NFAT5: variants seen among roughly 807,000 people sequenced by gnomAD.
NFAT5 encodes the protein nuclear factor of activated T-cells 5.
NFAT5 carries 31 observed loss-of-function variants against 166.5 expected under a neutral mutation model. The observed-to-expected ratio is 0.19, with a 90% confidence interval of 0.14 to 0.25. NFAT5 has a LOEUF of 0.25. NFAT5 is among the 10% of genes least tolerant of loss of function. The probability of loss-of-function intolerance (pLI) is 1.00; values close to 1 mark genes in which losing one functional copy is unlikely to be tolerated. For synonymous variants in NFAT5, 612 were observed against 639.7 expected (o/e 0.96, Z 0.65); for missense variants, 1,449 against 1,821.8 (o/e 0.80, Z 3.72).
Position 69,587,923 on chromosome 16 carries a change from T to C in NFAT5, c.127+19375T>C, listed in dbSNP as rs1235167558. ...ATTATTTTAGGTATAAATTAGGCAC[T>C]TTGGTAATTTATAGTGCTTTCTTTT... On this transcript the variant is annotated intron_variant, in intron 2 of 14. Coordinates refer to ENST00000349945, the MANE Select transcript of NFAT5 (RefSeq NM_138713.4). 3.3e-5 allele frequency among the ~76,000 whole-genome samples: 5 copies of C among 151,598 alleles called. No homozygotes were observed. In the East Asian group the frequency reaches 7.7e-4, roughly 23 times the overall value.
chr16:69,696,170 G>GGATA (rs2037760283), intron 14 of NFAT5, among the ~76,000 whole-genome samples, 190 bp from the exon 15 acceptor site: 1 of 152,044 alleles, frequency 6.6e-6, no homozygotes, highest in Non-Finnish European at 1.5e-5. Context: ...ACTATATATT[G>GGATA]GATATAACCA....
chr16:69,599,557 C>T (rs765300062), intron 2 of NFAT5, among the ~76,000 whole-genome samples: 3 of 151,726 alleles, frequency 2.0e-5, no homozygotes, highest in Admixed American at 6.6e-5. Context: ...GGTGACAGAG[C>T]GAGAGTCAGT....
At chr16:69,667,224 A>G (rs1022321133) in intron 7 of NFAT5, among the ~76,000 whole-genome samples, 1 of 150,992 alleles carries the variant, frequency 6.6e-6, no homozygotes, top group African/African-American at 2.4e-5. Flanking sequence ...CTAATGCTAG[A>G]TGACGAGTTA....
At chr16:69,610,960 A>G (rs2033679595) in intron 2 of NFAT5, among the ~76,000 whole-genome samples, 1 of 151,930 alleles carries the variant, frequency 6.6e-6, no homozygotes, top group African/African-American at 2.4e-5. Context: ...TTGGGAGCAG[A>G]CTCGGGTTTC....
rs902706046 is a variant in NFAT5, at chr16:69,566,716, A to T, written c.73+342A>T. 6.6e-5 allele frequency among the ~76,000 whole-genome samples: 10 copies of T among 151,732 alleles called. No homozygotes were observed. The highest frequency in any genetic ancestry group is 6.6e-4 in the Admixed American group (10 of 15,258). On this transcript the variant is annotated intron_variant, in intron 1 of 14. Coordinates refer to ENST00000349945, the MANE Select transcript of NFAT5 (RefSeq NM_138713.4). This position sits in a 1 kb window ranked among gnomAD's most constrained non-coding sequence, Gnocchi z 5.7. ...CGGCCCCGGCCTCCCGGGCTCGGGG[A>T]TGGCCCCAGACTGGGCCCCGCGCTG...
intron 1 of NFAT5, among the ~76,000 whole-genome samples, chr16:69,567,458 C>T (rs2016133018): frequency 6.6e-6 from 1 of 152,042 alleles, no homozygotes; most frequent in African/African-American, 2.4e-5. Context: ...GTTAACTATT[C>T]ATTTCACCGT....
At position 69,653,338 on chromosome 16, in the gene NFAT5, A is replaced by G. The variant is rs2035753078; in HGVS notation, c.915A>G (p.Gln305=). 2 of 1,613,424 alleles carry G rather than the reference A, an allele frequency of 1.2e-6. No individual in the cohort carries two copies. The highest frequency in any genetic ancestry group is 1.7e-6 in the Non-Finnish European group (2 of 1,179,818). Residue 305 remains glutamine, a synonymous_variant, in exon 5 of 15, where the codon CAA becomes CAG. Transcript: ENST00000349945. ...GAAAGGAGCTGAAGATAGTTGTACAACCTGAGACACAGCACCGAGCTCGGT... is the reference window on the plus strand; with the variant it reads ...GAAAGGAGCTGAAGATAGTTGTACAGCCTGAGACACAGCACCGAGCTCGGT... ...SEGKELKIVV[Q]PETQHRARYL...
intron 2 of NFAT5, among the ~76,000 whole-genome samples, chr16:69,589,857 G>T (rs1401518031): frequency 1.3e-5 from 2 of 151,654 alleles, no homozygotes; most frequent in Non-Finnish European, 2.9e-5. Flanking sequence ...GACACCCCAC[G>T]CATCTAAAAA....
At chr16:69,671,042 A>T (rs573157894) in intron 9 of NFAT5, among the ~76,000 whole-genome samples, 1 of 152,370 alleles carries the variant, frequency 6.6e-6, no homozygotes, top group East Asian at 1.9e-4. Flanking sequence ...GACAATCTAT[A>T]GCCACTTTAT....
chr16:69,656,565 G>C (rs2035888608), intron 6 of NFAT5, among the ~76,000 whole-genome samples: 1 of 151,032 alleles, frequency 6.6e-6, no homozygotes, highest in Admixed American at 6.6e-5. Context: ...GATTCTCCCT[G>C]CCTCAGCCTC....
Position 69,566,223 on chromosome 16 carries a change from C to T in NFAT5, c.-79C>T, listed in dbSNP as rs2016022281. On this transcript the variant is annotated 5_prime_UTR_variant, in exon 1 of 15. Transcript: ENST00000349945. This position sits in a 1 kb window ranked among gnomAD's most constrained non-coding sequence, Gnocchi z 5.7. ...GTCGCCGCCCCCGGTTCGGTGCCCG[C>T]GGTCCCGGAGAGGAGGTGCCGCCGC... 2 of 1,362,158 alleles carry T rather than the reference C, an allele frequency of 1.5e-6. 1 individual carries two copies. Among genetic ancestry groups the T allele is most frequent in the Non-Finnish European group, 2.0e-6 (2 of 984,364 alleles). 84.4% of individuals were successfully genotyped at this position (1,362,158 alleles called of 1,614,324 possible).
chr16:69,635,831 C>T (rs1194595073), intron 3 of NFAT5, among the ~76,000 whole-genome samples: 1 of 152,154 alleles, frequency 6.6e-6, no homozygotes, highest in Non-Finnish European at 1.5e-5. Flanking sequence ...GGTGGGGACA[C>T]AGCCAAACCA....
At chr16:69,612,821 G>A (rs951364015) in intron 2 of NFAT5, among the ~76,000 whole-genome samples, 5 of 151,674 alleles carry the variant, frequency 3.3e-5, no homozygotes, top group Middle Eastern at 3.2e-3. Context: ...GCTGCAGTGA[G>A]CTGTGATCGT....
At chr16:69,579,060 G>C (rs1567514309) in intron 2 of NFAT5, among the ~76,000 whole-genome samples, 1 of 152,052 alleles carries the variant, frequency 6.6e-6, no homozygotes, top group Non-Finnish European at 1.5e-5. Context: ...ATTTTTAGTA[G>C]AGACGGGGTT....
intron 2 of NFAT5, among the ~76,000 whole-genome samples, chr16:69,591,674 GT>G (rs2032468732): frequency 6.6e-6 from 1 of 152,158 alleles, no homozygotes; most frequent in Non-Finnish European, 1.5e-5. Context: ...TTCAGGATAA[GT>G]AATTCTTTTT....
At chr16:69,596,495 A>G (rs1282005545) in intron 2 of NFAT5, among the ~76,000 whole-genome samples, 1 of 152,090 alleles carries the variant, frequency 6.6e-6, no homozygotes, top group Non-Finnish European at 1.5e-5. Flanking sequence ...TGAGGCGGGC[A>G]GATCACGAGG....
chr16:69,630,273 C>T (rs1406223672), intron 3 of NFAT5, among the ~76,000 whole-genome samples: 1 of 152,070 alleles, frequency 6.6e-6, no homozygotes, highest in Non-Finnish European at 1.5e-5. Flanking sequence ...CTCAGGTGAT[C>T]CTCGAGGCTT....
At chr16:69,618,498 C>G (rs1299116716) in intron 2 of NFAT5, among the ~76,000 whole-genome samples, 1 of 152,192 alleles carries the variant, frequency 6.6e-6, no homozygotes, top group Admixed American at 6.5e-5. Flanking sequence ...TGATGACTGT[C>G]AAGCTTGAAG....
intron 3 of NFAT5, among the ~76,000 whole-genome samples, chr16:69,642,674 G>A (rs1482545523): frequency 4.6e-5 from 7 of 151,754 alleles, no homozygotes; most frequent in African/African-American, 1.2e-4. Flanking sequence ...AAAATTAGCC[G>A]GACGTGGTGG....
Sources: gnomAD v4.1 joint callset for allele counts (sites outside exome capture counted in the v4.1 genomes callset) on GRCh38, gnomAD v4.1.1 for gene constraint, Gnocchi (gnomAD v3.1) non-coding constraint, MANE v1.5 for transcripts, NCBI Gene and HGNC (gene_info 2026-07-23, HGNC 2026-07-21) for gene names.